Variants in PTPRG observed in about 807,000 individuals in gnomAD.
PTPRG encodes protein tyrosine phosphatase receptor type G.
In PTPRG, 102 loss-of-function variants were observed where a neutral mutation model predicts 165.3. That is an observed-to-expected ratio of 0.62 (90% CI 0.53 to 0.73). The LOEUF is 0.73. Ranked by LOEUF, PTPRG falls within the 30% of genes least tolerant of loss-of-function variation. The pLI is 0.00. For synonymous variants in PTPRG, 675 were observed against 669.5 expected (o/e 1.01, Z -0.13); for missense variants, 1,866 against 1,861.4 (o/e 1.00, Z -0.05).
chr3:61,950,199 G>A (rs1443127302), intron 2 of PTPRG, among the ~76,000 whole-genome samples: 2 of 152,172 alleles, frequency 1.3e-5, no homozygotes, highest in Non-Finnish European at 2.9e-5. Context: ...CCAGGCCTGT[G>A]CTGAATTCTT....
chr3:62,265,011 T>G (rs1701820098), intron 17 of PTPRG, among the ~76,000 whole-genome samples: 3 of 152,212 alleles, frequency 2.0e-5, no homozygotes, highest in South Asian at 4.1e-4. Context: ...GGTATCCTAT[T>G]GTAGTTTCGA....
intron 2 of PTPRG, among the ~76,000 whole-genome samples, chr3:61,802,704 ACTGT>A (rs1232150463): frequency 6.6e-6 from 1 of 151,008 alleles, no homozygotes; most frequent in Non-Finnish European, 1.5e-5. Context: ...TGACTTTCTG[ACTGT>A]CTGTCTCTGT....
chr3:61,817,162 AATAT>A (rs1200448932), intron 2 of PTPRG, among the ~76,000 whole-genome samples: 1 of 117,964 alleles, frequency 8.5e-6, no homozygotes, highest in South Asian at 2.4e-4. Flanking sequence ...TATAATATAT[AATAT>A]ATAATAATAT....
chr3:61,857,045 A>G (rs2037127009), intron 2 of PTPRG, among the ~76,000 whole-genome samples: 1 of 151,830 alleles, frequency 6.6e-6, no homozygotes, highest in South Asian at 2.1e-4. Context: ...TCTTTTTCTG[A>G]TCATTTCCCA....
chr3:62,182,073 A>C (rs1705673925), intron 8 of PTPRG, among the ~76,000 whole-genome samples: 1 of 152,234 alleles, frequency 6.6e-6, no homozygotes. Flanking sequence ...TGTTATTTTG[A>C]ATATTATAAG....
In PTPRG at chr3:62,191,644, C is replaced by T. The variant is rs747958982; in HGVS notation, c.1209C>T (p.Asp403=). Residue 403 remains aspartate, a synonymous_variant, in exon 9 of 30, where the codon GAC becomes GAT. Transcript: ENST00000474889. ...EKEKTFTKDS[D]KDLKATISHV... ...AGAAGACGTTTACAAAGGACAGCGA[C>T]AAAGACTTGGTATGAAGCCCCTCCT... 4 of 1,613,972 alleles carry T rather than the reference C, an allele frequency of 2.5e-6. No individual in the cohort carries two copies. Among genetic ancestry groups the T allele is most frequent in the Non-Finnish European group, 2.5e-6 (3 of 1,179,894 alleles).
At chr3:61,820,786 T>G (rs1017565915) in intron 2 of PTPRG, among the ~76,000 whole-genome samples, 6 of 152,020 alleles carry the variant, frequency 3.9e-5, no homozygotes, top group Admixed American at 2.0e-4. Flanking sequence ...CAGGGGTTCC[T>G]GTTTTGCACT....
At chr3:62,141,120 A>G (rs1364108164) in intron 6 of PTPRG, among the ~76,000 whole-genome samples, 2 of 152,186 alleles carry the variant, frequency 1.3e-5, no homozygotes, top group African/African-American at 4.8e-5. Context: ...CACATACCAA[A>G]TAGTCAAATA....
In PTPRG at chr3:62,203,649, G is replaced by A. The variant is rs558829542; in HGVS notation, c.1854G>A (p.Arg618=). 1.6e-5 allele frequency: 25 copies of A among 1,560,610 alleles called. No homozygotes were observed. In the East Asian group the frequency reaches 4.1e-4, roughly 25 times the overall value. ...KSGVTHAAEE[R]NQTEPSPTPS... is the part of the protein sequence containing the mutation. Reference sequence around the variant, plus strand: ...GGGTGACCCACGCTGCCGAGGAGCGGAATCAGACGGAGCCCAGCCCCACAC... The same window carrying A: ...GGGTGACCCACGCTGCCGAGGAGCGAAATCAGACGGAGCCCAGCCCCACAC... The change falls in exon 12 of 30, where the codon CGG becomes CGA. Residue 618 remains arginine, a synonymous_variant. Transcript: ENST00000474889. This position sits in a 1 kb window ranked among gnomAD's most constrained non-coding sequence, Gnocchi z 6.4.
At chr3:61,986,973 A>G (rs958062705) in intron 2 of PTPRG, among the ~76,000 whole-genome samples, 1 of 152,138 alleles carries the variant, frequency 6.6e-6, no homozygotes, top group African/African-American at 2.4e-5. Context: ...AAAACAAAGC[A>G]TTCAATACTA....
intron 2 of PTPRG, among the ~76,000 whole-genome samples, chr3:61,795,379 A>G (rs1003526804): frequency 3.9e-5 from 6 of 152,042 alleles, no homozygotes; most frequent in Admixed American, 1.3e-4. Context: ...ATGATGGCTC[A>G]CACCTATAAT....
chr3:61,876,907 TACTTA>T (rs200992375), intron 2 of PTPRG, among the ~76,000 whole-genome samples: 1,735 of 152,354 alleles, frequency 0.011, 32 homozygotes, highest in African/African-American at 0.038. Flanking sequence ...ATAATGTATT[TACTTA>T]ACTTAAGTAG....
chr3:62,064,849 C>T (rs995442383), intron 4 of PTPRG, among the ~76,000 whole-genome samples: 1 of 150,666 alleles, frequency 6.6e-6, no homozygotes, highest in Non-Finnish European at 1.5e-5. Flanking sequence ...TCTCCTGCCT[C>T]GGCCTCCCGA....
At chr3:62,276,543 AT>A (rs528575181) in intron 24 of PTPRG, 61 of 169,642 alleles carry the variant, frequency 3.6e-4, no homozygotes, top group Non-Finnish European at 6.5e-4. Flanking sequence ...CATTTGGGAG[AT>A]TTATCTCTAA....
intron 8 of PTPRG, among the ~76,000 whole-genome samples, chr3:62,180,601 TGTACCCCAGG>T (rs1705607725): frequency 6.6e-6 from 1 of 152,148 alleles, no homozygotes; most frequent in African/African-American, 2.4e-5. Context: ...AGGGAGAGAA[TGTACCCCAGG>T]GTACATGGAA....
intron 2 of PTPRG, among the ~76,000 whole-genome samples, chr3:61,829,004 C>A (rs192348417): frequency 7.9e-5 from 12 of 152,280 alleles, no homozygotes; most frequent in Admixed American, 4.6e-4. Context: ...TCAGCATCTG[C>A]ATGTGTTATA....
rs1703066302 is a variant in PTPRG, at chr3:62,296,447, T to C, written c.*3140T>C. 6.6e-6 allele frequency: 1 copy of C among 151,844 alleles called. No individual in the cohort carries two copies. The highest frequency in any genetic ancestry group is 6.6e-5 in the Admixed American group (1 of 15,220). The allele number at this position is 151,844 out of a possible 1,614,324, so 9.4% of individuals were successfully genotyped here. On this transcript the variant is annotated 3_prime_UTR_variant, in exon 30 of 30. Transcript: ENST00000474889. ...ATATACTGTATTTAAAATTAAAATA[T>C]AGATACCAATTTACCAAAGATACAT...
At chr3:61,996,196 C>T (rs758403563) in intron 3 of PTPRG, among the ~76,000 whole-genome samples, 42 of 152,092 alleles carry the variant, frequency 2.8e-4, no homozygotes, top group Non-Finnish European at 5.1e-4. Flanking sequence ...GTAATAAAAC[C>T]TCTCTTATCC....
intron 4 of PTPRG, among the ~76,000 whole-genome samples, chr3:62,059,018 G>A (rs907678811): frequency 1.3e-5 from 2 of 152,194 alleles, no homozygotes; most frequent in Non-Finnish European, 2.9e-5. Flanking sequence ...CTGGCCTGAT[G>A]AAGCATCAGC....
Sources: gnomAD v4.1 joint callset for allele counts (sites outside exome capture counted in the v4.1 genomes callset) on GRCh38, gnomAD v4.1.1 for gene constraint, Gnocchi (gnomAD v3.1) non-coding constraint, MANE v1.5 for transcripts, NCBI Gene and HGNC (gene_info 2026-07-23, HGNC 2026-07-21) for gene names.